NAAA: variants seen among roughly 807,000 people sequenced by gnomAD.
The protein encoded by NAAA is N-acylethanolamine-hydrolyzing acid amidase.
Under a neutral mutation model 44.8 loss-of-function variants are expected in NAAA, and 39 were observed. The ratio of observed to expected loss-of-function variants is 0.87; its 90% CI spans 0.67 to 1.14. NAAA has a LOEUF of 1.14. Among genes scored for constraint, NAAA ranks in the 50% most tolerant of loss-of-function variants. NAAA has a pLI of 0.00. For synonymous variants in NAAA, 178 were observed against 191.3 expected, an observed-to-expected ratio of 0.93 and a Z score of 0.58; for missense variants, 460 against 467.8, an observed-to-expected ratio of 0.98 and a Z score of 0.15.
intron 5 of NAAA, among the ~76,000 whole-genome samples, chr4:75,923,566 G>T (rs992912628): frequency 1.3e-5 from 2 of 150,604 alleles, no homozygotes; most frequent in African/African-American, 2.4e-5. Flanking sequence ...TTGAGACAGA[G>T]TCTTGCTGTG....
chr4:75,927,422 G>A (rs574854695), intron 4 of NAAA, among the ~76,000 whole-genome samples: 1 of 151,878 alleles, frequency 6.6e-6, no homozygotes, highest in East Asian at 1.9e-4. Context: ...TCCAGCCTGG[G>A]CAATAGAGTA....
At chr4:75,924,350 C>T (rs934335444) in intron 5 of NAAA, among the ~76,000 whole-genome samples, 24 of 152,190 alleles carry the variant, frequency 1.6e-4, no homozygotes, top group African/African-American at 4.1e-4. Context: ...CACTGAGATG[C>T]GTAACAGTCT....
intron 3 of NAAA, among the ~76,000 whole-genome samples, chr4:75,934,482 A>ATTT (rs373578792): frequency 3.0e-5 from 4 of 135,590 alleles, no homozygotes; most frequent in Middle Eastern, 3.8e-3. Context: ...CGCCCAGCTA[A>ATTT]TTTTTTTTTT....
At chr4:75,939,926 A>G (rs1728081750) in intron 2 of NAAA, 75 bp downstream of exon 2, 1 of 1,545,186 alleles carries the variant, frequency 6.5e-7, no homozygotes, top group South Asian at 1.1e-5. Flanking sequence ...CACGGAAAAT[A>G]TGTCTCCTCC....
At chr4:75,933,887 G>A (rs1029929063) in intron 3 of NAAA, among the ~76,000 whole-genome samples, 2 of 151,826 alleles carry the variant, frequency 1.3e-5, no homozygotes, top group African/African-American at 2.4e-5. Context: ...AAAATTAGCC[G>A]GGTGTGGTGG....
chr4:75,932,558 C>T (rs1005997127), intron 3 of NAAA, among the ~76,000 whole-genome samples: 6 of 152,136 alleles, frequency 3.9e-5, no homozygotes, highest in African/African-American at 1.2e-4. Flanking sequence ...TCACGACTCA[C>T]TGCAGCCTCG....
rs191240834 is a variant in NAAA, at chr4:75,938,940, C to T, written c.371+1061G>A. 1.6e-3 allele frequency among the ~76,000 whole-genome samples: 239 copies of T among 152,324 alleles called. 1 individual carries two copies. Among genetic ancestry groups the T allele is most frequent in the African/African-American group, 5.4e-3 (224 of 41,560 alleles). ...TCTTGGCTCACTGCAACCTCTGCCT[C>T]CTGGGTTCAAGTGATTCTCCTGCCT... On this transcript the variant is annotated intron_variant, in intron 2 of 10. Coordinates refer to ENST00000286733, the MANE Select transcript of NAAA (RefSeq NM_014435.4).
intron 3 of NAAA, among the ~76,000 whole-genome samples, chr4:75,931,511 T>C (rs1727229967): frequency 6.6e-6 from 1 of 152,154 alleles, no homozygotes; most frequent in Non-Finnish European, 1.5e-5. Context: ...TTTAGTAGAT[T>C]TGTGACCTTG....
intron 5 of NAAA, among the ~76,000 whole-genome samples, chr4:75,921,772 G>A (rs754833378): frequency 6.6e-6 from 1 of 152,144 alleles, no homozygotes. Flanking sequence ...TGGGGAGGAG[G>A]GTTCTAGTTC....
intron 4 of NAAA, among the ~76,000 whole-genome samples, chr4:75,929,212 T>C (rs1727014853): frequency 6.6e-6 from 1 of 152,218 alleles, no homozygotes; most frequent in Admixed American, 6.5e-5. Flanking sequence ...TCTTCAGGTG[T>C]TACCCACCAG....
chr4:75,936,071 T>A, intron 3 of NAAA, 38 bp downstream of exon 3: 1 of 1,612,308 alleles, frequency 6.2e-7, no homozygotes, highest in Non-Finnish European at 8.5e-7. Context: ...AGTTTGCAAA[T>A]CTTTCTGATT....
chr4:75,936,280 GA>G (rs1560519442), intron 2 of NAAA, 45 bp from the exon 3 acceptor site: 6 of 1,551,546 alleles, frequency 3.9e-6, no homozygotes, highest in South Asian at 2.4e-5. Flanking sequence ...AGACAAATAA[GA>G]AAAAAAAGGA....
intron 3 of NAAA, among the ~76,000 whole-genome samples, chr4:75,934,067 A>G (rs62318885): frequency 9.2e-5 from 3 of 32,744 alleles, no homozygotes; most frequent in African/African-American, 5.6e-4. Context: ...AATAATAATA[A>G]TAATAATAAT....
chr4:75,937,646 C>T (rs555659650), intron 2 of NAAA, among the ~76,000 whole-genome samples: 58 of 152,238 alleles, frequency 3.8e-4, no homozygotes, highest in African/African-American at 1.3e-3. Context: ...CCTCCACATC[C>T]GGCTAATTTT....
chr4:75,927,646 C>G (rs931404977), intron 4 of NAAA, among the ~76,000 whole-genome samples: 3 of 80,396 alleles, frequency 3.7e-5, no homozygotes, highest in African/African-American at 8.6e-5. Flanking sequence ...CCCCCCCCCC[C>G]CGCCAAAAAA....
intron 8 of NAAA, among the ~76,000 whole-genome samples, chr4:75,919,110 T>G (rs1436113459): frequency 3.3e-5 from 5 of 152,190 alleles, no homozygotes; most frequent in Admixed American, 2.6e-4. Context: ...GGCATGATCT[T>G]GGTTCATTGC....
intron 8 of NAAA, 21 bp from the exon 9 acceptor site, chr4:75,918,810 T>A: frequency 6.2e-7 from 1 of 1,603,738 alleles, no homozygotes; most frequent in Non-Finnish European, 8.5e-7. Context: ...AAAAGTCATT[T>A]TATAGAGAAG....
At chr4:75,936,758 C>G (rs1727755124) in intron 2 of NAAA, among the ~76,000 whole-genome samples, 1 of 152,196 alleles carries the variant, frequency 6.6e-6, no homozygotes, top group East Asian at 1.9e-4. Flanking sequence ...TTTCCTTTCT[C>G]TCTCCAGCTC....
chr4:75,924,988 A>G (rs1422949229), intron 5 of NAAA, among the ~76,000 whole-genome samples: 3 of 141,554 alleles, frequency 2.1e-5, no homozygotes, highest in Non-Finnish European at 4.6e-5. Context: ...GGGTAGGAGC[A>G]TAACTTCATT....
Sources: gnomAD v4.1 joint callset for allele counts (sites outside exome capture counted in the v4.1 genomes callset) on GRCh38, gnomAD v4.1.1 for gene constraint, MANE v1.5 for transcripts, NCBI Gene and HGNC (gene_info 2026-07-23, HGNC 2026-07-21) for gene names.